DENND2A: variants seen among roughly 807,000 people sequenced by gnomAD.
The protein encoded by DENND2A is DENN domain-containing protein 2A.
In DENND2A, 53 loss-of-function variants were observed where a neutral mutation model predicts 105.3. That is an observed-to-expected ratio of 0.50 (90% CI 0.40 to 0.63). The LOEUF is 0.63. Ranked by LOEUF, DENND2A falls within the 30% of genes least tolerant of loss-of-function variation. The pLI is 0.00. For missense variants in DENND2A, 1,138 were observed against 1,279.6 expected (o/e 0.89, Z 1.69); for synonymous variants, 522 against 508.4 (o/e 1.03, Z -0.36).
chr7:140,588,296 GAAAATAAT>G (rs1244881651), intron 3 of DENND2A, among the ~76,000 whole-genome samples: 2 of 152,200 alleles, frequency 1.3e-5, no homozygotes, highest in Non-Finnish European at 2.9e-5. Flanking sequence ...TATGCTAAGT[GAAAATAAT>G]AAAGTATATG....
chr7:140,524,007 C>G (rs1394921654), intron 16 of DENND2A, among the ~76,000 whole-genome samples: 2 of 152,168 alleles, frequency 1.3e-5, no homozygotes, highest in African/African-American at 4.8e-5. Flanking sequence ...TGAGAGGATA[C>G]TCAATAGATG....
chr7:140,584,898 T>C (rs1309623401), intron 5 of DENND2A, among the ~76,000 whole-genome samples: 1 of 152,188 alleles, frequency 6.6e-6, no homozygotes, highest in Non-Finnish European at 1.5e-5. Flanking sequence ...ATGTATATTC[T>C]TTCATTAAAA....
At chr7:140,612,898 T>C (rs1799950764) in intron 1 of DENND2A, among the ~76,000 whole-genome samples, 1 of 151,802 alleles carries the variant, frequency 6.6e-6, no homozygotes, top group African/African-American at 2.4e-5. Context: ...GTGGATCACC[T>C]GAGGTCAGGA....
intron 14 of DENND2A, among the ~76,000 whole-genome samples, chr7:140,530,178 C>T (rs886238157): frequency 2.6e-5 from 4 of 151,954 alleles, no homozygotes; most frequent in African/African-American, 2.4e-5. Context: ...GAGCCGTGAT[C>T]GTGTCACTGC....
intron 14 of DENND2A, among the ~76,000 whole-genome samples, chr7:140,542,686 C>T (rs1453323364): frequency 6.6e-6 from 1 of 151,724 alleles, no homozygotes; most frequent in Non-Finnish European, 1.5e-5. Context: ...TTCAAGCCTC[C>T]CAGGTAGCTG....
chr7:140,579,344 G>A (rs921484553), intron 5 of DENND2A, among the ~76,000 whole-genome samples: 2 of 150,768 alleles, frequency 1.3e-5, no homozygotes, highest in Admixed American at 6.6e-5. Context: ...GGGAAAATAC[G>A]ATCAATATAA....
rs1795926080 is a variant in DENND2A at position 140,523,242 on chromosome 7, C to T, written c.2665+65G>A. ...ATTCCTACTTGGCCCTTGGCCACTG[C>T]CCATTTGTTCCCTGACCCTCAGAGT... On this transcript the variant is annotated intron_variant, in intron 17 of 19. Transcript: ENST00000496613. This position sits in a 1 kb window ranked among gnomAD's most constrained non-coding sequence, Gnocchi z 4.5. 4.0e-6 allele frequency: 6 copies of T among 1,510,632 alleles called. No individual in the cohort carries two copies. Among genetic ancestry groups the T allele is most frequent in the East Asian group, 2.3e-5 (1 of 44,356 alleles). 93.6% of individuals were successfully genotyped at this position (1,510,632 alleles called of 1,614,324 possible). A position where few individuals can be genotyped will look rare whatever the true frequency, so the allele number is the denominator to read the frequency against.
intron 18 of DENND2A, among the ~76,000 whole-genome samples, chr7:140,520,703 C>T (rs150664333): frequency 0.041 from 6,116 of 150,850 alleles, 383 homozygotes; most frequent in African/African-American, 0.14. Flanking sequence ...GGATTACAGG[C>T]GCCTGCCACC....
intron 1 of DENND2A, among the ~76,000 whole-genome samples, chr7:140,637,183 G>A (rs1053214388): frequency 8.2e-4 from 125 of 151,832 alleles, no homozygotes; most frequent in African/African-American, 3.0e-3. Flanking sequence ...ATGGGGTCTC[G>A]CCATGTTGCC....
intron 18 of DENND2A, 45 bp downstream of exon 18, chr7:140,521,810 G>T: frequency 1.2e-6 from 2 of 1,606,130 alleles, no homozygotes; most frequent in South Asian, 2.2e-5. Flanking sequence ...CTGGAATATA[G>T]GGAGCTCTAG....
rs749311245 is a variant in DENND2A, at chr7:140,555,742, T to C, written c.1960-29A>G. ...TTCGGAGAGAAACACAAGGGAATTA[T>C]GAGTGTTGACAACCTCAGGGAAGAA... On this transcript the variant is annotated intron_variant, in intron 11 of 19. Transcript: ENST00000496613. 49 of 1,576,238 alleles carry C rather than the reference T, an allele frequency of 3.1e-5. No individual in the cohort carries two copies. The South Asian group carries it at 5.6e-4, about 18-fold the overall frequency.
At chr7:140,519,600 A>G in intron 19 of DENND2A, 32 bp downstream of exon 19, 1 of 1,601,732 alleles carries the variant, frequency 6.2e-7, no homozygotes, top group Non-Finnish European at 8.6e-7. Flanking sequence ...TCAGAGGCAC[A>G]CAGGCTGGGC....
Position 140,558,232 on chromosome 7 carries a change from A to G in DENND2A, c.1890-20T>C. The stretch of plus-strand genomic sequence containing the variant: ...GTTTCACTGTGGTTGGGAAAACACA[A>G]ATGTATCATAAAGCAAAACAAAACC... On this transcript the variant is annotated intron_variant, in intron 10 of 19. Coordinates refer to ENST00000496613, the MANE Select transcript of DENND2A (RefSeq NM_015689.5). 6.2e-7 allele frequency: 1 copy of G among 1,601,826 alleles called. No homozygotes were observed. Among genetic ancestry groups the G allele is most frequent in the South Asian group, 1.1e-5 (1 of 90,758 alleles).
At chr7:140,572,310 C>G (rs1252937328) in intron 6 of DENND2A, among the ~76,000 whole-genome samples, 1 of 151,998 alleles carries the variant, frequency 6.6e-6, no homozygotes, top group Admixed American at 6.6e-5. Context: ...CCCAGCCTCC[C>G]TGGACTTTCT....
intron 13 of DENND2A, among the ~76,000 whole-genome samples, chr7:140,545,867 C>A (rs1018378142): frequency 6.6e-6 from 1 of 152,214 alleles, no homozygotes; most frequent in African/African-American, 2.4e-5. Context: ...CTGCTACATC[C>A]CCATGGCCAA....
chr7:140,585,014 C>G (rs910251798), intron 5 of DENND2A, among the ~76,000 whole-genome samples: 2 of 152,142 alleles, frequency 1.3e-5, no homozygotes, highest in African/African-American at 2.4e-5. Flanking sequence ...GCATGGCCAA[C>G]ATGGTGAAAC....
At chr7:140,584,207 A>C (rs1195165706) in intron 5 of DENND2A, among the ~76,000 whole-genome samples, 1 of 152,080 alleles carries the variant, frequency 6.6e-6, no homozygotes, top group East Asian at 1.9e-4. Flanking sequence ...GTGCCACTGC[A>C]CTCCAGCCTG....
intron 18 of DENND2A, among the ~76,000 whole-genome samples, chr7:140,520,842 C>T (rs1324292494): frequency 2.0e-5 from 3 of 147,614 alleles, no homozygotes; most frequent in East Asian, 2.0e-4. Context: ...TACAGGCGCG[C>T]GCCACAGCGC....
chr7:140,624,498 T>G (rs1800433158), intron 1 of DENND2A, among the ~76,000 whole-genome samples: 1 of 150,780 alleles, frequency 6.6e-6, no homozygotes, highest in African/African-American at 2.4e-5. Context: ...CCCAGGGGGG[T>G]TTTGGCTCAC....
Sources: allele counts gnomAD v4.1 joint callset (sites outside exome capture counted in the v4.1 genomes callset), GRCh38; gene constraint gnomAD v4.1.1; non-coding constraint Gnocchi (gnomAD v3.1); transcripts MANE v1.5; gene names NCBI Gene and HGNC (gene_info 2026-07-23, HGNC 2026-07-21).